The following PDZD2 variants were observed in gnomAD, a reference collection of about 807,000 sequenced individuals.
PDZD2 encodes the protein PDZ domain containing 2.
In PDZD2, 90 loss-of-function variants were observed where a neutral mutation model predicts 220.7. The ratio of observed to expected loss-of-function variants is 0.41; its 90% CI spans 0.34 to 0.49. The LOEUF (loss-of-function observed/expected upper bound fraction) is 0.49. Ranked by LOEUF, PDZD2 falls within the 20% of genes least tolerant of loss-of-function variation. The probability of loss-of-function intolerance (pLI) is 0.28; values close to 1 mark genes in which losing one functional copy is unlikely to be tolerated. For synonymous variants in PDZD2, 1,375 were observed against 1,450.5 expected (o/e 0.95, Z 1.18); for missense variants, 3,174 against 3,608.5 (o/e 0.88, Z 3.08).
chr5:31,652,656 G>A (rs1235569999), intron 1 of PDZD2, among the ~76,000 whole-genome samples: 1 of 152,154 alleles, frequency 6.6e-6, no homozygotes, highest in Non-Finnish European at 1.5e-5. Context: ...ATTATCAATT[G>A]CATCAAATTG....
intron 1 of PDZD2, among the ~76,000 whole-genome samples, chr5:31,689,355 T>TATATATATATATATA (rs1208262874): frequency 5.3e-4 from 11 of 20,856 alleles, no homozygotes; most frequent in African/African-American, 2.1e-3. Flanking sequence ...ATATATATAT[T>TATATATATATATATA]TTTTTTTTTT....
At chr5:31,828,614 T>A (rs115954523) in intron 2 of PDZD2, among the ~76,000 whole-genome samples, 2,240 of 152,260 alleles carry the variant, frequency 0.015, 58 homozygotes, top group African/African-American at 0.051. Flanking sequence ...TCCCACCTTA[T>A]TCTCCTGAAT....
Position 32,041,576 on chromosome 5 carries a change from A to G in PDZD2, c.1519+4234A>G, listed in dbSNP as rs1245818668. The stretch of plus-strand genomic sequence containing the variant: ...GCTCTCTGAAACATGTGCTGTGTCA[A>G]CTCAGGGTTAAATGGATTAAGGGCG... On this transcript the variant is annotated intron_variant, in intron 7 of 24. Coordinates refer to ENST00000438447, the MANE Select transcript of PDZD2 (RefSeq NM_178140.4). 3.9e-5 allele frequency among the ~76,000 whole-genome samples: 6 copies of G among 152,218 alleles called. No homozygotes were observed. In the East Asian group the frequency reaches 1.2e-3, roughly 29 times the overall value.
chr5:31,779,934 A>G (rs1195915872), intron 1 of PDZD2, among the ~76,000 whole-genome samples: 1 of 152,072 alleles, frequency 6.6e-6, no homozygotes, highest in Non-Finnish European at 1.5e-5. Flanking sequence ...AGCACTCCTG[A>G]ACTGGAGCCA....
intron 2 of PDZD2, among the ~76,000 whole-genome samples, chr5:31,906,298 G>A (rs1742640706): frequency 6.7e-6 from 1 of 148,196 alleles, no homozygotes; most frequent in Non-Finnish European, 1.5e-5. Context: ...TTTTTGAGAT[G>A]GGGTCTCACC....
intron 1 of PDZD2, among the ~76,000 whole-genome samples, chr5:31,791,435 A>G (rs1753718929): frequency 6.6e-6 from 1 of 152,016 alleles, no homozygotes; most frequent in Non-Finnish European, 1.5e-5. Flanking sequence ...TACTAAAAAT[A>G]CAAAATTAGC....
Position 32,087,852 on chromosome 5 carries a change from C to T in PDZD2, c.4404C>T (p.Ser1468=), listed in dbSNP as rs748017981. Residue 1468 remains serine (S), a synonymous_variant, in exon 20 of 25, where the codon AGC becomes AGT. Transcript: ENST00000438447. This position sits in a 1 kb window ranked among gnomAD's most constrained non-coding sequence, Gnocchi z 4.0. The part of the protein sequence containing the change: ...GHPPAGAGGG[S]SCRAEPVPGG... ...CACCAGCCGGGGCTGGAGGTGGGAGCTCCTGCCGTGCCGAACCAGTCCCGG... is the reference window on the plus strand; with the variant it reads ...CACCAGCCGGGGCTGGAGGTGGGAGTTCCTGCCGTGCCGAACCAGTCCCGG... The T allele has an allele frequency of 6.2e-7, 1 of 1,611,234 alleles. No homozygotes were observed.
Position 32,039,359 on chromosome 5 carries a change from G to A in PDZD2, c.1519+2017G>A, listed in dbSNP as rs564319708. ...TGGCCTCAGGTGATCTGCCCGCCTC[G>A]GCCTCCCCAGGTGCTGGGATTGCAG... is the stretch of plus-strand genomic sequence containing the variant. On this transcript the variant is annotated intron_variant, in intron 7 of 24. Transcript: ENST00000438447. Among the ~76,000 whole-genome samples the A allele has an allele frequency of 4.3e-4, 66 of 151,854 alleles. 2 individuals carry two copies. Among genetic ancestry groups the A allele is most frequent in the East Asian group, 1.4e-3 (7 of 5,074 alleles).
intron 18 of PDZD2, among the ~76,000 whole-genome samples, chr5:32,076,707 A>G (rs1561520593): frequency 1.3e-5 from 2 of 152,186 alleles, no homozygotes; most frequent in Non-Finnish European, 2.9e-5. Context: ...ATGCAATATG[A>G]CCCACCACCT....
chr5:32,088,619 T>C lies in PDZD2; in HGVS notation c.5171T>C (p.Ile1724Thr), dbSNP rs769306822. 3 of 1,614,174 alleles carry C rather than the reference T, an allele frequency of 1.9e-6. No individual in the cohort carries two copies. Among genetic ancestry groups the C allele is most frequent in the South Asian group, 1.1e-5 (1 of 91,084 alleles). The change falls in exon 20 of 25, where the codon ATT becomes ACT. Residue 1724 changes from isoleucine to threonine, a missense_variant. Physicochemically the swap from Ile to Thr is moderately conservative, Grantham distance 89. Coordinates refer to ENST00000438447, the MANE Select transcript of PDZD2 (RefSeq NM_178140.4). The surrounding 1 kb of genome is among the most constrained non-coding windows in gnomAD (Gnocchi z 4.6). ...AGGCATTTTCACAGTCCGCCCATCA[T>C]TCTCAGCTCCCCCAACATGGTAAAT... Reference protein sequence around the residue: ...VARHFHSPPIILSSPNMVNGL... With the variant: ...VARHFHSPPITLSSPNMVNGL...
chr5:31,761,575 G>T (rs1420666712), intron 1 of PDZD2, among the ~76,000 whole-genome samples: 2 of 151,858 alleles, frequency 1.3e-5, no homozygotes, highest in Non-Finnish European at 2.9e-5. Flanking sequence ...AGAAAAGAAG[G>T]TTAGGCCAGG....
chr5:31,642,066 T>G (rs1744969236), intron 1 of PDZD2, among the ~76,000 whole-genome samples: 1 of 152,086 alleles, frequency 6.6e-6, no homozygotes, highest in Non-Finnish European at 1.5e-5. Context: ...CCCCCTTGCC[T>G]TTGATCATGT....
In PDZD2 at chr5:31,767,560, C is replaced by T. The variant is rs193050025; in HGVS notation, c.-360-31329C>T. Among the ~76,000 whole-genome samples, 9 of 152,342 alleles carry T rather than the reference C, an allele frequency of 5.9e-5. No individual in the cohort carries two copies. The East Asian group carries it at 1.2e-3, about 20-fold the overall frequency. On this transcript the variant is annotated intron_variant, in intron 1 of 24. Transcript: ENST00000438447. Reference sequence around the variant, plus strand: ...TCTGTTGATGTTTCAAACCAGATGACTCATATCTTGTAGTCATTTCTCCTT... The same window carrying T: ...TCTGTTGATGTTTCAAACCAGATGATTCATATCTTGTAGTCATTTCTCCTT...
Position 32,072,224 on chromosome 5 carries a change from T to G in PDZD2, c.2632T>G (p.Ser878Ala). 6.2e-7 allele frequency: 1 copy of G among 1,613,784 alleles called. No individual in the cohort carries two copies. The change falls in exon 17 of 25, where the codon TCA becomes GCA. Residue 878 changes from serine (S) to alanine (A), a missense_variant. Physicochemically the swap from Ser to Ala is moderately conservative, Grantham distance 99 (BLOSUM62 1). Around this residue, in one of 4 missense-constraint regions of PDZD2, gnomAD observed 1,861 missense variants for 2,001.0 expected, o/e 0.93. Coordinates refer to ENST00000438447, the MANE Select transcript of PDZD2 (RefSeq NM_178140.4). ...YFAHDVPGPLSDFMVAGSEDE... is the reference protein window; with the variant it reads ...YFAHDVPGPLADFMVAGSEDE... ...TGCCCACGATGTCCCTGGCCCCTTG[T>G]CAGACTTCATGGTGGCCGGTTCTGA...
At chr5:31,926,073 T>A (rs929247972) in intron 2 of PDZD2, among the ~76,000 whole-genome samples, 1 of 151,716 alleles carries the variant, frequency 6.6e-6, no homozygotes, top group Non-Finnish European at 1.5e-5. Flanking sequence ...GTAAAAAAAA[T>A]TAGCCAGGCA....
At chr5:31,968,732 A>G (rs1748996503) in intron 2 of PDZD2, among the ~76,000 whole-genome samples, 1 of 152,142 alleles carries the variant, frequency 6.6e-6, no homozygotes, top group Admixed American at 6.5e-5. Context: ...ATGAAGACAA[A>G]ACACAAAGGC....
At chr5:31,816,593 A>G (rs1043994560) in intron 2 of PDZD2, among the ~76,000 whole-genome samples, 2 of 152,176 alleles carry the variant, frequency 1.3e-5, no homozygotes, top group Non-Finnish European at 2.9e-5. Context: ...TTGCCAACAA[A>G]AAGTTTCAGA....
intron 1 of PDZD2, among the ~76,000 whole-genome samples, chr5:31,767,993 C>A (rs1326523412): frequency 2.0e-5 from 3 of 152,158 alleles, no homozygotes; most frequent in East Asian, 1.9e-4. Flanking sequence ...TCTTTTTTAC[C>A]AGCCAGGCTT....
chr5:31,687,094 A>G (rs1425971319), intron 1 of PDZD2, among the ~76,000 whole-genome samples: 2 of 118,868 alleles, frequency 1.7e-5, no homozygotes, highest in Non-Finnish European at 3.6e-5. Flanking sequence ...ACTCATAGAT[A>G]TAAAAAAAGT....
Sources: gnomAD v4.1 joint callset for allele counts (sites outside exome capture counted in the v4.1 genomes callset) on GRCh38, gnomAD v4.1.1 for gene constraint, gnomAD v4.1.1 regional missense constraint, Gnocchi (gnomAD v3.1) non-coding constraint, MANE v1.5 for transcripts, NCBI Gene and HGNC (gene_info 2026-07-23, HGNC 2026-07-21) for gene names.